Variants in ARHGEF4 observed in about 807,000 individuals in gnomAD.
ARHGEF4 encodes the protein Rho guanine nucleotide exchange factor 4.
In ARHGEF4, 119 loss-of-function variants were observed where a neutral mutation model predicts 162.0. The observed-to-expected ratio is 0.73, with a 90% confidence interval of 0.63 to 0.86. The LOEUF (loss-of-function observed/expected upper bound fraction) is 0.86, where lower values mean the gene tolerates loss of function less well. ARHGEF4 is among the 40% of genes least tolerant of loss of function. The pLI is 0.00. For synonymous variants in ARHGEF4, 1,014 were observed against 979.9 expected (o/e 1.03, Z -0.65); for missense variants, 2,488 against 2,456.0 (o/e 1.01, Z -0.28).
At position 130,916,630 on chromosome 2, in the gene ARHGEF4, CAA is replaced by C. The variant is rs1402927371; in HGVS notation, c.2686_2687del (p.Lys896GlufsTer18). ...GGGCCTTCCTCTGAGAGCTGCAACG[CAA>C]AGAGACTCAAAACAACGGAGAAAAA... On this transcript the variant is annotated frameshift_variant, in exon 2 of 14. Transcript: ENST00000409359. LOFTEE classifies it high-confidence loss of function. 3 of 1,550,448 alleles carry C rather than the reference CAA, an allele frequency of 1.9e-6. No homozygotes were observed. The highest frequency in any genetic ancestry group is 2.7e-5 in the African/African-American group (2 of 73,052).
chr2:131,025,779 G>A (rs747563630), intron 4 of ARHGEF4, among the ~76,000 whole-genome samples: 1 of 152,170 alleles, frequency 6.6e-6, no homozygotes, highest in Non-Finnish European at 1.5e-5. Flanking sequence ...AGAGTTGCCT[G>A]TTCAAGCTCC....
At chr2:130,969,114 TA>T (rs1156356814) in intron 4 of ARHGEF4, among the ~76,000 whole-genome samples, 1 of 152,108 alleles carries the variant, frequency 6.6e-6, no homozygotes, top group Non-Finnish European at 1.5e-5. Context: ...CAGCCTACCT[TA>T]AATGTGCTCA....
In ARHGEF4 at chr2:130,945,739, G is replaced by A. The variant is rs542524719; in HGVS notation, c.3859-770G>A. On this transcript the variant is annotated intron_variant, in intron 3 of 13. Transcript: ENST00000409359. ...CTGTTTCCCTCTAGAGTCCTCAAAC[G>A]GCTGATCTATACACTCTCCCCAAGG... is the stretch of plus-strand genomic sequence containing the variant. Among the ~76,000 whole-genome samples the A allele has an allele frequency of 8.0e-4, 121 of 152,182 alleles. 2 individuals are homozygous for A. The highest frequency in any genetic ancestry group is 2.5e-3 in the Admixed American group (38 of 15,282).
At chr2:130,900,435 G>A (rs1027330267) in intron 1 of ARHGEF4, among the ~76,000 whole-genome samples, 1 of 152,106 alleles carries the variant, frequency 6.6e-6, no homozygotes, top group African/African-American at 2.4e-5. Flanking sequence ...TTATTGGCTT[G>A]TCCTTAAGGT....
chr2:130,848,625 G>A (rs570082043), intron 1 of ARHGEF4, among the ~76,000 whole-genome samples: 4 of 152,338 alleles, frequency 2.6e-5, no homozygotes, highest in East Asian at 3.9e-4. Context: ...TGAGGACAGC[G>A]CTTGAGTGAT....
chr2:131,039,552 C>T (rs1690594021), intron 6 of ARHGEF4: 4 of 1,036,232 alleles, frequency 3.9e-6, no homozygotes, highest in Middle Eastern at 4.7e-4. Context: ...GAGGGCCGTC[C>T]GGCGGGGAGG....
intron 13 of ARHGEF4, chr2:131,045,825 G>A: frequency 7.0e-7 from 1 of 1,435,916 alleles, no homozygotes. Context: ...CCCTCTTCAG[G>A]CTGCTGCAGG....
At chr2:131,036,054 T>A (rs1690252641) in intron 5 of ARHGEF4, among the ~76,000 whole-genome samples, 1 of 152,106 alleles carries the variant, frequency 6.6e-6, no homozygotes, top group Non-Finnish European at 1.5e-5. Context: ...GTCTCAAGAG[T>A]CAGTCTCCGC....
chr2:131,024,699 A>G (rs1216550568), intron 4 of ARHGEF4, among the ~76,000 whole-genome samples: 1 of 152,188 alleles, frequency 6.6e-6, no homozygotes, highest in Non-Finnish European at 1.5e-5. Context: ...TGGGATCCTT[A>G]CGTTTCAGAA....
chr2:130,845,848 C>T (rs1680920965), intron 1 of ARHGEF4, among the ~76,000 whole-genome samples: 1 of 152,214 alleles, frequency 6.6e-6, no homozygotes, highest in African/African-American at 2.4e-5. Flanking sequence ...TGGCAGAAGC[C>T]AGACCTACGG....
intron 4 of ARHGEF4, among the ~76,000 whole-genome samples, chr2:130,962,166 G>C (rs72861480): frequency 6.6e-6 from 1 of 151,198 alleles, no homozygotes; most frequent in South Asian, 2.1e-4. Context: ...TTAAACCAGC[G>C]AGTCGTAGGT....
intron 1 of ARHGEF4, among the ~76,000 whole-genome samples, chr2:130,908,799 CTT>C (rs1680998554): frequency 3.9e-5 from 6 of 152,130 alleles, no homozygotes; most frequent in Admixed American, 3.3e-4. Flanking sequence ...TGACAAAAGA[CTT>C]ATATATAAGG....
chr2:131,004,200 C>T (rs1687961610), intron 4 of ARHGEF4, among the ~76,000 whole-genome samples: 1 of 152,206 alleles, frequency 6.6e-6, no homozygotes, highest in Admixed American at 6.5e-5. Flanking sequence ...GAGTCTCACT[C>T]TGTCGCTCGG....
At position 130,915,460 on chromosome 2, in the gene ARHGEF4, A is replaced by G. The variant is rs940680281; in HGVS notation, c.1514A>G (p.Asn505Ser). The G allele has an allele frequency of 1.9e-6, 3 of 1,550,478 alleles. No homozygotes were observed. Among genetic ancestry groups the G allele is most frequent in the African/African-American group, 1.4e-5 (1 of 73,032 alleles). ...ISVQAGNQTS[N>S]YTSKYVLSEE... is the part of the protein sequence containing the mutation. ...GTCCAGGCAGGAAACCAAACCAGTAATTACACATCAAAGTATGTGCTCAGC... is the reference window on the plus strand; with the variant it reads ...GTCCAGGCAGGAAACCAAACCAGTAGTTACACATCAAAGTATGTGCTCAGC... Residue 505 changes from asparagine (N) to serine (S), a missense_variant, in exon 2 of 14, where the codon AAT (asparagine) becomes AGT (serine). Around this residue, in one of 6 missense-constraint regions of ARHGEF4, gnomAD observed 1,642 missense variants for 1,481.5 expected, o/e 1.11. Transcript: ENST00000409359.
intron 2 of ARHGEF4, among the ~76,000 whole-genome samples, chr2:130,922,760 A>AG (rs1681955375): frequency 3.2e-5 from 3 of 93,036 alleles, no homozygotes; most frequent in Non-Finnish European, 8.4e-5. Flanking sequence ...CACATTCCTC[A>AG]GATTTTTTTT....
chr2:130,880,136 C>G (rs1207964912), intron 1 of ARHGEF4, among the ~76,000 whole-genome samples: 9 of 152,212 alleles, frequency 5.9e-5, no homozygotes, highest in Non-Finnish European at 1.5e-5. Context: ...AAGCCTGAGA[C>G]TTACTGATTT....
intron 1 of ARHGEF4, among the ~76,000 whole-genome samples, chr2:130,845,874 G>A (rs1023534339): frequency 2.6e-5 from 4 of 152,338 alleles, no homozygotes; most frequent in East Asian, 3.9e-4. Context: ...TCCCAAATGC[G>A]AACCTACAGT....
At chr2:131,011,014 C>T (rs955887875) in intron 4 of ARHGEF4, among the ~76,000 whole-genome samples, 5 of 152,158 alleles carry the variant, frequency 3.3e-5, no homozygotes, top group Non-Finnish European at 7.3e-5. Flanking sequence ...GGAAACTACA[C>T]AGGTTTGAAG....
intron 1 of ARHGEF4, among the ~76,000 whole-genome samples, chr2:130,897,624 G>A (rs1245700726): frequency 6.6e-6 from 1 of 152,202 alleles, no homozygotes; most frequent in East Asian, 1.9e-4. Flanking sequence ...TCCGGTATTT[G>A]TTGAGTGCCC....
Sources: allele counts gnomAD v4.1 joint callset (sites outside exome capture counted in the v4.1 genomes callset), GRCh38; gene constraint gnomAD v4.1.1; regional missense constraint gnomAD v4.1.1; transcripts MANE v1.5; gene names NCBI Gene and HGNC (gene_info 2026-07-23, HGNC 2026-07-21).